The following MYH10 variants were observed in gnomAD, a reference collection of about 807,000 sequenced individuals.
MYH10 encodes the protein myosin heavy chain 10.
Under a neutral mutation model 257.8 loss-of-function variants are expected in MYH10, and 55 were observed. That is an observed-to-expected ratio of 0.21 (90% CI 0.17 to 0.27). The LOEUF (loss-of-function observed/expected upper bound fraction) is 0.27, where lower values mean the gene tolerates loss of function less well. Among genes scored for constraint, MYH10 ranks in the 10% least tolerant of loss-of-function variants. The pLI, the probability that MYH10 is intolerant of heterozygous loss-of-function variation, is 1.00. For synonymous variants in MYH10, 854 were observed against 921.7 expected (o/e 0.93, Z 1.33); for missense variants, 1,631 against 2,500.6 (o/e 0.65, Z 7.42).
intron 1 of MYH10, among the ~76,000 whole-genome samples, chr17:8,628,013 T>G (rs1257804170): frequency 6.6e-6 from 1 of 152,190 alleles, no homozygotes; most frequent in Non-Finnish European, 1.5e-5. Flanking sequence ...TGGAGGAAAT[T>G]TTGAAGGGTG....
At position 8,481,670 on chromosome 17, in the gene MYH10, G is replaced by GT. The variant is rs370222404; in HGVS notation, c.5176-261dup. Among the ~76,000 whole-genome samples the GT allele has an allele frequency of 1.9e-3, 293 of 152,338 alleles. 3 individuals carry two copies. Among genetic ancestry groups the GT allele is most frequent in the South Asian group, 0.017 (83 of 4,834 alleles). The stretch of plus-strand genomic sequence containing the variant: ...TAAGGGCTTTGCTGTCACCTCCAAC[G>GT]TAAGAGGTGGCTATGTTCCTGCCCT... On this transcript the variant is annotated intron_variant, in intron 37 of 42. Transcript: ENST00000360416.
chr17:8,517,939 C>T (rs1359016448), intron 21 of MYH10, among the ~76,000 whole-genome samples: 1 of 152,168 alleles, frequency 6.6e-6, no homozygotes, highest in Non-Finnish European at 1.5e-5. Flanking sequence ...CTTCACAGGG[C>T]CAGCCTTCTT....
chr17:8,499,647 C>G (rs114287595), intron 29 of MYH10, among the ~76,000 whole-genome samples, 171 bp from the exon 30 acceptor site: 2 of 152,142 alleles, frequency 1.3e-5, no homozygotes, highest in Non-Finnish European at 2.9e-5. Context: ...AGGATTTCTA[C>G]GTAAGGAACA....
At chr17:8,478,229 AC>A (rs1913028281) in intron 41 of MYH10, 108 bp downstream of exon 41, 2 of 932,750 alleles carry the variant, frequency 2.1e-6, no homozygotes, top group Non-Finnish European at 3.4e-6. Context: ...GTTAGCTGAA[AC>A]ATCAGAATCG....
chr17:8,519,233 AT>A (rs2081571496), intron 19 of MYH10, among the ~76,000 whole-genome samples: 1 of 152,156 alleles, frequency 6.6e-6, no homozygotes, highest in African/African-American at 2.4e-5. Flanking sequence ...GAAACCTTTC[AT>A]TTTTCTTCAT....
chr17:8,567,588 A>G lies in MYH10; in HGVS notation c.756+2132T>C, dbSNP rs111298087. Among the ~76,000 whole-genome samples, 139 of 152,278 alleles carry G rather than the reference A, an allele frequency of 9.1e-4. 1 individual carries two copies. The highest frequency in any genetic ancestry group is 2.9e-3 in the African/African-American group (121 of 41,552). On this transcript the variant is annotated intron_variant, in intron 7 of 42. Transcript: ENST00000360416. ...GAAGTCATTACATTAAAAAAGGGTCATTAGGGTGCACCCTACTTCAATATA... is the reference window on the plus strand; with the variant it reads ...GAAGTCATTACATTAAAAAAGGGTCGTTAGGGTGCACCCTACTTCAATATA...
chr17:8,594,833 G>T (rs1476864089), intron 3 of MYH10, among the ~76,000 whole-genome samples: 2 of 152,192 alleles, frequency 1.3e-5, no homozygotes, highest in Non-Finnish European at 2.9e-5. Context: ...TATGTAAATA[G>T]TTGCTATAGT....
intron 7 of MYH10, among the ~76,000 whole-genome samples, chr17:8,563,712 CT>C (rs2083069048): frequency 6.6e-6 from 1 of 152,190 alleles, no homozygotes; most frequent in South Asian, 2.1e-4. Flanking sequence ...TTTTCAGCAA[CT>C]GCCTTTTGAT....
intron 31 of MYH10, 92 bp downstream of exon 31, chr17:8,495,045 C>G: frequency 1.3e-6 from 1 of 786,924 alleles, no homozygotes; most frequent in Non-Finnish European, 2.2e-6. Context: ...AGAGGTGACA[C>G]AGAAGGCAAT....
At chr17:8,571,570 C>G (rs1166812315) in intron 6 of MYH10, among the ~76,000 whole-genome samples, 5 of 151,960 alleles carry the variant, frequency 3.3e-5, no homozygotes, top group East Asian at 3.9e-4. Context: ...ATCATGAAGT[C>G]AGGAGATCGA....
intron 41 of MYH10, among the ~76,000 whole-genome samples, 178 bp downstream of exon 41, chr17:8,478,160 C>T (rs889499406): frequency 2.0e-5 from 3 of 152,196 alleles, no homozygotes. Context: ...GACCTGCTCT[C>T]CCCGCCCTCC....
chr17:8,518,984 A>C, intron 19 of MYH10, 34 bp from the exon 20 acceptor site: 2 of 1,525,160 alleles, frequency 1.3e-6, no homozygotes, highest in Non-Finnish European at 1.8e-6. Context: ...TATTTTGTAG[A>C]AATTTGTGAA....
rs1473694923 is a variant in MYH10 at position 8,521,093 on chromosome 17, C to T, written c.2150G>A (p.Arg717Lys). The T allele has an allele frequency of 6.2e-7, 1 of 1,614,044 alleles. No homozygotes were observed. The highest frequency in any genetic ancestry group is 1.3e-5 in the African/African-American group (1 of 74,918). ...GCATATGTTTTGCTCAGCACGTACCCTCTTCTCGTGATTTGGAATGATACA... is the reference window on the plus strand; with the variant it reads ...GCATATGTTTTGCTCAGCACGTACCTTCTTCTCGTGATTTGGAATGATACA... ...VRCIIPNHEKRAGKLDPHLVL... is the reference protein window; with the variant it reads ...VRCIIPNHEKKAGKLDPHLVL... Residue 717 changes from arginine (R) to lysine (K), a missense_variant and splice_region_variant, in exon 18 of 43, where the codon AGG becomes AAG. Physicochemically the swap from Arg to Lys is conservative, Grantham distance 26. This residue lies in a region of MYH10 where 96 missense variants were observed against 146.2 expected (regional missense o/e 0.66). Coordinates refer to ENST00000360416, the MANE Select transcript of MYH10 (RefSeq NM_001256012.3).
intron 1 of MYH10, among the ~76,000 whole-genome samples, chr17:8,629,415 G>A (rs1174748289): frequency 8.5e-6 from 1 of 118,028 alleles, no homozygotes; most frequent in African/African-American, 3.2e-5. Flanking sequence ...TAAAGAAACA[G>A]AGATAACGGC....
At chr17:8,544,675 C>T (rs1460762458) in intron 13 of MYH10, among the ~76,000 whole-genome samples, 1 of 151,858 alleles carries the variant, frequency 6.6e-6, no homozygotes, top group Non-Finnish European at 1.5e-5. Context: ...ATATTTGTGC[C>T]GTACTATATT....
intron 2 of MYH10, among the ~76,000 whole-genome samples, chr17:8,622,085 T>G (rs1276792090): frequency 6.6e-6 from 1 of 152,208 alleles, no homozygotes; most frequent in African/African-American, 2.4e-5. Context: ...TTGTGTAAAA[T>G]TCAACACCCC....
At chr17:8,602,220 C>T (rs879571655) in intron 3 of MYH10, among the ~76,000 whole-genome samples, 9 of 152,140 alleles carry the variant, frequency 5.9e-5, no homozygotes, top group Non-Finnish European at 1.2e-4. Flanking sequence ...CCTCGTGATC[C>T]GCTGGCCTCA....
intron 3 of MYH10, among the ~76,000 whole-genome samples, chr17:8,601,069 T>G (rs1235619657): frequency 6.6e-6 from 1 of 152,210 alleles, no homozygotes; most frequent in African/African-American, 2.4e-5. Flanking sequence ...CTCTCATGTC[T>G]TAAATTTTCA....
Position 8,504,553 on chromosome 17 carries a change from A to G in MYH10, c.3599+141T>C. 1.4e-6 allele frequency: 1 copy of G among 719,638 alleles called. No homozygotes were observed. The highest frequency in any genetic ancestry group is 2.3e-6 in the Non-Finnish European group (1 of 437,576). 44.6% of individuals were successfully genotyped at this position (719,638 alleles called of 1,614,324 possible). A position where few individuals can be genotyped will look rare whatever the true frequency, so the allele number is the denominator to read the frequency against. On this transcript the variant is annotated intron_variant, in intron 28 of 42. Transcript: ENST00000360416. The surrounding 1 kb of genome is among the most constrained non-coding windows in gnomAD (Gnocchi z 5.6). ...ATAGGCTGGTCTGTTTCTAACCATT[A>G]CCATTTAATCACCGTTCCACCTGCC...
Sources: gnomAD v4.1 joint callset for allele counts (sites outside exome capture counted in the v4.1 genomes callset) on GRCh38, gnomAD v4.1.1 for gene constraint, gnomAD v4.1.1 regional missense constraint, Gnocchi (gnomAD v3.1) non-coding constraint, MANE v1.5 for transcripts, NCBI Gene and HGNC (gene_info 2026-07-23, HGNC 2026-07-21) for gene names.